Variants in ATG10 observed in about 807,000 individuals in gnomAD.
ATG10 encodes the protein autophagy related 10.
A neutral mutation model predicts 32.1 loss-of-function variants in ATG10; 30 were observed. The ratio of observed to expected loss-of-function variants is 0.94; its 90% CI spans 0.70 to 1.27. The LOEUF is 1.27. Ranked by LOEUF, ATG10 falls within the 50% of genes most tolerant of loss-of-function variation. ATG10 has a pLI of 0.00. For synonymous variants in ATG10, 87 were observed against 91.5 expected (o/e 0.95, Z 0.28); for missense variants, 233 against 262.3 (o/e 0.89, Z 0.77).
intron 3 of ATG10, among the ~76,000 whole-genome samples, chr5:82,076,507 A>G (rs372492551): frequency 1.3e-5 from 2 of 152,128 alleles, no homozygotes; most frequent in Admixed American, 1.3e-4. Context: ...CTTTTCTTCA[A>G]TTTACCTTAG....
At position 82,169,588 on chromosome 5, in the gene ATG10, A is replaced by G. The variant is rs139829900; in HGVS notation, c.355+5051A>G. On this transcript the variant is annotated intron_variant, in intron 4 of 7. Coordinates refer to ENST00000282185, the MANE Select transcript of ATG10 (RefSeq NM_031482.5). The stretch of plus-strand genomic sequence containing the variant: ...TACAGTGAGCAGAAAATAGAAAATT[A>G]TTTGACAGATAATTTAATTTAGAGT... Among the ~76,000 whole-genome samples the G allele has an allele frequency of 4.1e-3, 629 of 152,308 alleles. 6 individuals are homozygous for G. Among genetic ancestry groups the G allele is most frequent in the African/African-American group, 0.014 (597 of 41,566 alleles).
chr5:82,033,814 T>A (rs1017464468), intron 2 of ATG10, among the ~76,000 whole-genome samples: 1 of 151,528 alleles, frequency 6.6e-6, no homozygotes, highest in East Asian at 1.9e-4. Context: ...GATACACATA[T>A]GTATATATCT....
chr5:82,142,770 C>A (rs1444497340), intron 3 of ATG10, among the ~76,000 whole-genome samples: 1 of 151,858 alleles, frequency 6.6e-6, no homozygotes, highest in Non-Finnish European at 1.5e-5. Flanking sequence ...AGGGGAGTGG[C>A]AAAGATTATG....
intron 3 of ATG10, among the ~76,000 whole-genome samples, chr5:82,077,337 T>A (rs1362997225): frequency 6.6e-6 from 1 of 151,972 alleles, no homozygotes; most frequent in East Asian, 1.9e-4. Context: ...TCAAAAAAAC[T>A]TCACTGAAAA....
intron 5 of ATG10, among the ~76,000 whole-genome samples, chr5:82,194,658 T>A (rs1186725106): frequency 6.6e-6 from 1 of 152,194 alleles, no homozygotes; most frequent in Non-Finnish European, 1.5e-5. Context: ...AGTGCTTAGA[T>A]CCCACAGCCT....
At chr5:82,116,661 TA>T (rs957147457) in intron 3 of ATG10, among the ~76,000 whole-genome samples, 1 of 152,144 alleles carries the variant, frequency 6.6e-6, no homozygotes, top group African/African-American at 2.4e-5. Flanking sequence ...CCTAATTATT[TA>T]AAAGCAAAAC....
chr5:82,200,256 C>T (rs1745012098), intron 5 of ATG10, among the ~76,000 whole-genome samples: 1 of 151,884 alleles, frequency 6.6e-6, no homozygotes, highest in Non-Finnish European at 1.5e-5. Flanking sequence ...TCTGGGAATT[C>T]TAGTTCCTCC....
chr5:81,993,360 C>CCTTCTTTCTTTCTTTTCTT (rs1761531549), intron 2 of ATG10, among the ~76,000 whole-genome samples: 9 of 46,772 alleles, frequency 1.9e-4, no homozygotes, highest in South Asian at 8.0e-4. Context: ...TCTTTCTTTC[C>CCTTCTTTCTTTCTTTTCTT]TTCTTTTCTT....
At chr5:82,129,372 TTA>T (rs1766419339) in intron 3 of ATG10, among the ~76,000 whole-genome samples, 2 of 151,958 alleles carry the variant, frequency 1.3e-5, no homozygotes, top group African/African-American at 4.8e-5. Context: ...CCATGTCCAG[TTA>T]TGTTCCCTTG....
Position 82,165,650 on chromosome 5 carries a change from ACT to A in ATG10, c.355+1116_355+1117del, listed in dbSNP as rs1417807837. Among the ~76,000 whole-genome samples, 11 of 152,212 alleles carry A rather than the reference ACT, an allele frequency of 7.2e-5. No individual in the cohort carries two copies. In the South Asian group the frequency reaches 1.2e-3, roughly 17 times the overall value. ...ACACTGATAGTTCACTAATTCACAA[ACT>A]CTTGCTGTGGATTTATCCATATAAT... On this transcript the variant is annotated intron_variant, in intron 4 of 7. Transcript: ENST00000282185.
At chr5:82,135,494 C>A (rs1050661204) in intron 3 of ATG10, among the ~76,000 whole-genome samples, 1 of 152,206 alleles carries the variant, frequency 6.6e-6, no homozygotes, top group Non-Finnish European at 1.5e-5. Context: ...ACCCAGTGGT[C>A]ATTCAGGAAC....
At chr5:82,253,281 G>T in intron 6 of ATG10, 33 bp from the exon 7 acceptor site, 1 of 1,434,320 alleles carries the variant, frequency 7.0e-7, no homozygotes, top group Non-Finnish European at 9.8e-7. Context: ...CAATGGAAAC[G>T]TTAGCATGGC....
chr5:82,171,499 T>C (rs982994187), intron 4 of ATG10, among the ~76,000 whole-genome samples: 2 of 152,228 alleles, frequency 1.3e-5, no homozygotes, highest in African/African-American at 4.8e-5. Context: ...AAAGGCTTAT[T>C]GAAGGGTAGA....
At chr5:82,224,179 A>C (rs191591170) in intron 5 of ATG10, among the ~76,000 whole-genome samples, 5 of 152,152 alleles carry the variant, frequency 3.3e-5, no homozygotes, top group African/African-American at 1.2e-4. Flanking sequence ...TGAAGCCCCC[A>C]CTCTTTTCTG....
chr5:82,208,393 G>C lies in ATG10; in HGVS notation c.453+29806G>C, dbSNP rs189842770. Among the ~76,000 whole-genome samples the C allele has an allele frequency of 3.4e-3, 510 of 152,216 alleles. 3 individuals carry two copies. The highest frequency in any genetic ancestry group is 4.8e-3 in the Non-Finnish European group (323 of 67,994). Reference sequence around the variant, plus strand: ...GGATCTAGAGGTCAATTCGAGGAGAGTGGTCATTTTTACAAAATTAACTCT... The same window carrying C: ...GGATCTAGAGGTCAATTCGAGGAGACTGGTCATTTTTACAAAATTAACTCT... On this transcript the variant is annotated intron_variant, in intron 5 of 7. Transcript: ENST00000282185.
At chr5:82,250,204 A>G (rs72778518) in intron 5 of ATG10, among the ~76,000 whole-genome samples, 8,107 of 152,230 alleles carry the variant, frequency 0.053, 294 homozygotes, top group Non-Finnish European at 0.079. Context: ...TTTTTCCTGC[A>G]TATTTTCTAT....
intron 4 of ATG10, among the ~76,000 whole-genome samples, chr5:82,174,873 C>T (rs916923409): frequency 3.3e-5 from 5 of 152,132 alleles, no homozygotes; most frequent in Non-Finnish European, 5.9e-5. Flanking sequence ...TGCAGTGGCC[C>T]TTGAGATAGC....
chr5:82,251,793 C>T (rs1450015738), intron 5 of ATG10, among the ~76,000 whole-genome samples: 1 of 152,154 alleles, frequency 6.6e-6, no homozygotes, highest in Non-Finnish European at 1.5e-5. Flanking sequence ...TAGGGCTCCC[C>T]ATTGCTTGCC....
chr5:82,165,346 G>T (rs186989614), intron 4 of ATG10, among the ~76,000 whole-genome samples: 2 of 152,172 alleles, frequency 1.3e-5, no homozygotes, highest in Non-Finnish European at 2.9e-5. Context: ...CTTTTTTCTG[G>T]ATAGCTAAGA....
Sources: gnomAD v4.1 joint callset for allele counts (sites outside exome capture counted in the v4.1 genomes callset) on GRCh38, gnomAD v4.1.1 for gene constraint, MANE v1.5 for transcripts, NCBI Gene and HGNC (gene_info 2026-07-23, HGNC 2026-07-21) for gene names.